Variants in SLC2A13 observed in about 807,000 individuals in gnomAD.
SLC2A13 encodes the protein solute carrier family 2 member 13.
A neutral mutation model predicts 64.4 loss-of-function variants in SLC2A13; 32 were observed. That is an observed-to-expected ratio of 0.50 (90% CI 0.37 to 0.67). The LOEUF (loss-of-function observed/expected upper bound fraction) is 0.67, where lower values mean the gene tolerates loss of function less well. Ranked by LOEUF, SLC2A13 falls within the 30% of genes least tolerant of loss-of-function variation. The probability of loss-of-function intolerance (pLI) is 0.00; values close to 1 mark genes in which losing one functional copy is unlikely to be tolerated. For synonymous variants in SLC2A13, 338 were observed against 327.1 expected (o/e 1.03, Z -0.36); for missense variants, 743 against 829.2 (o/e 0.90, Z 1.28).
chr12:39,939,915 C>T (rs1165081147), intron 4 of SLC2A13, among the ~76,000 whole-genome samples: 1 of 152,186 alleles, frequency 6.6e-6, no homozygotes, highest in Non-Finnish European at 1.5e-5. Context: ...CCATCTACTT[C>T]ACTTTATAGG....
chr12:39,944,867 T>C (rs944731188), intron 4 of SLC2A13, among the ~76,000 whole-genome samples: 4 of 152,226 alleles, frequency 2.6e-5, no homozygotes, highest in Non-Finnish European at 4.4e-5. Flanking sequence ...TGAGGTACTG[T>C]TGCTTTCATC....
chr12:40,050,038 T>C (rs1565605391), intron 1 of SLC2A13, among the ~76,000 whole-genome samples: 1 of 152,198 alleles, frequency 6.6e-6, no homozygotes. Flanking sequence ...AGTTTCCATT[T>C]GACTGCTAAT....
At position 39,936,736 on chromosome 12, in the gene SLC2A13, C is replaced by A. The variant is rs74945228; in HGVS notation, c.1034+14521G>T. On this transcript the variant is annotated intron_variant, in intron 4 of 9. Transcript: ENST00000280871. ...ACTCTCAAGCTAAAGGCTCGGGCAG[C>A]CAACTGGCCACATGCATCATTGAGA... Among the ~76,000 whole-genome samples, 304 of 152,200 alleles carry A rather than the reference C, an allele frequency of 2.0e-3. 6 individuals are homozygous for A. In the East Asian group the frequency reaches 0.052, roughly 26 times the overall value.
intron 5 of SLC2A13, among the ~76,000 whole-genome samples, chr12:39,867,974 A>T (rs1209466143): frequency 6.6e-6 from 1 of 152,240 alleles, no homozygotes; most frequent in Non-Finnish European, 1.5e-5. Flanking sequence ...TAAATTTTTA[A>T]GTAATCACTT....
At chr12:40,031,270 C>T (rs1277957394) in intron 2 of SLC2A13, among the ~76,000 whole-genome samples, 7 of 151,974 alleles carry the variant, frequency 4.6e-5, no homozygotes, top group Non-Finnish European at 1.0e-4. Flanking sequence ...TTGCCCAGGC[C>T]GGAGTGTAGT....
chr12:39,913,459 A>G (rs952814991), intron 4 of SLC2A13, among the ~76,000 whole-genome samples: 4 of 151,888 alleles, frequency 2.6e-5, no homozygotes, highest in South Asian at 4.1e-4. Flanking sequence ...AAATACAATA[A>G]GCATATATTT....
At chr12:40,103,933 A>G (rs950851392) in intron 1 of SLC2A13, among the ~76,000 whole-genome samples, 1 of 152,230 alleles carries the variant, frequency 6.6e-6, no homozygotes, top group South Asian at 2.1e-4. Context: ...TTGCTAATTA[A>G]CAGTACAATA....
chr12:39,872,540 G>T (rs1227394052), intron 4 of SLC2A13, among the ~76,000 whole-genome samples: 1 of 152,138 alleles, frequency 6.6e-6, no homozygotes, highest in Non-Finnish European at 1.5e-5. Flanking sequence ...CCCGAAAAAG[G>T]GTACTCTGGT....
At chr12:39,760,953 AAC>A (rs71449492) in intron 9 of SLC2A13, among the ~76,000 whole-genome samples, 1 of 101,520 alleles carries the variant, frequency 9.9e-6, no homozygotes, top group Non-Finnish European at 2.1e-5. Context: ...GTCTCTACCA[AAC>A]ACACACACAC....
At chr12:39,847,620 G>A (rs1052810244) in intron 6 of SLC2A13, among the ~76,000 whole-genome samples, 4 of 151,962 alleles carry the variant, frequency 2.6e-5, no homozygotes, top group Non-Finnish European at 5.9e-5. Context: ...ACAGTAAAAG[G>A]ATAGGAGCCT....
intron 3 of SLC2A13, among the ~76,000 whole-genome samples, chr12:39,974,415 T>A (rs1259562053): frequency 1.3e-5 from 2 of 152,218 alleles, no homozygotes; most frequent in Non-Finnish European, 2.9e-5. Flanking sequence ...GTTTTTGGTG[T>A]CCTCATTTAT....
At chr12:40,006,796 A>G (rs1947428506) in intron 3 of SLC2A13, among the ~76,000 whole-genome samples, 1 of 152,086 alleles carries the variant, frequency 6.6e-6, no homozygotes, top group African/African-American at 2.4e-5. Context: ...ACAAGAATAA[A>G]CCCATGTCTA....
chr12:40,101,521 A>G (rs1446244663), intron 1 of SLC2A13, among the ~76,000 whole-genome samples: 1 of 152,190 alleles, frequency 6.6e-6, no homozygotes, highest in Non-Finnish European at 1.5e-5. Flanking sequence ...AAGACATGAG[A>G]AGACTTAAGA....
At chr12:40,002,440 A>T (rs887721574) in intron 3 of SLC2A13, among the ~76,000 whole-genome samples, 2 of 152,236 alleles carry the variant, frequency 1.3e-5, no homozygotes, top group Admixed American at 6.5e-5. Context: ...TGAATTGCCT[A>T]TCACAACTGA....
chr12:39,900,838 C>T (rs1945077139), intron 4 of SLC2A13, among the ~76,000 whole-genome samples: 1 of 152,180 alleles, frequency 6.6e-6, no homozygotes, highest in African/African-American at 2.4e-5. Context: ...GAAAAAACTA[C>T]TTTAAAGTTC....
At chr12:39,957,862 C>T (rs1392457851) in intron 3 of SLC2A13, among the ~76,000 whole-genome samples, 2 of 152,116 alleles carry the variant, frequency 1.3e-5, no homozygotes, top group Non-Finnish European at 2.9e-5. Context: ...GGGACAGAAA[C>T]GTGAGGAGGC....
chr12:39,914,343 C>G (rs904826860), intron 4 of SLC2A13, among the ~76,000 whole-genome samples: 1 of 152,054 alleles, frequency 6.6e-6, no homozygotes, highest in African/African-American at 2.4e-5. Flanking sequence ...AATTTACCCT[C>G]TTACCTTAAA....
intron 3 of SLC2A13, among the ~76,000 whole-genome samples, chr12:39,963,799 C>T (rs13377779): frequency 0.036 from 5,449 of 152,134 alleles, 314 homozygotes; most frequent in African/African-American, 0.12. Context: ...AGCACATTCC[C>T]TTTTTAGATT....
In SLC2A13 at chr12:39,759,483, C is replaced by T. The variant is rs1429984525; in HGVS notation, c.*543G>A. ...CAAAGGAGATACGGACAGCTGTGCC[C>T]TTGTAGGAGGCACTTTGGAATTTGT... On this transcript the variant is annotated 3_prime_UTR_variant, in exon 10 of 10. Transcript: ENST00000280871. 1 of 152,884 alleles carries T rather than the reference C, an allele frequency of 6.5e-6. No homozygotes were observed. The highest frequency in any genetic ancestry group is 1.9e-4 in the East Asian group (1 of 5,304). The allele number at this position is 152,884 out of a possible 1,614,324, so 9.5% of individuals were successfully genotyped here.
Sources: allele counts gnomAD v4.1 joint callset (sites outside exome capture counted in the v4.1 genomes callset), GRCh38; gene constraint gnomAD v4.1.1; transcripts MANE v1.5; gene names NCBI Gene and HGNC (gene_info 2026-07-23, HGNC 2026-07-21).